Variants in PMP22 observed in about 807,000 individuals in gnomAD.
PMP22 encodes Charcot-Marie-Tooth neuropathy 1A (greatly reduced nerve conduction velocity, hereditary motor sensory neuropathy Ia).
Under a neutral mutation model 18.9 loss-of-function variants are expected in PMP22, and 2 were observed. The observed-to-expected ratio is 0.11, with a 90% CI of 0.04 to 0.33. The LOEUF is 0.33. Among genes scored for constraint, PMP22 ranks in the 10% least tolerant of loss-of-function variants. PMP22 has a pLI of 1.00. For synonymous variants in PMP22, 95 were observed against 89.2 expected, an observed-to-expected ratio of 1.07 and a Z score of -0.37; for missense variants, 169 against 202.2, an observed-to-expected ratio of 0.84 and a Z score of 1.00.
intron 3 of PMP22, among the ~76,000 whole-genome samples, chr17:15,253,208 A>G (rs1166915658): frequency 6.6e-6 from 1 of 152,118 alleles, no homozygotes; most frequent in Non-Finnish European, 1.5e-5. Context: ...GCCTCATTCA[A>G]AGCGACGCCA....
At chr17:15,243,058 A>T (rs1907491458) in intron 3 of PMP22, among the ~76,000 whole-genome samples, 1 of 152,176 alleles carries the variant, frequency 6.6e-6, no homozygotes, top group Non-Finnish European at 1.5e-5. Flanking sequence ...CAATGTATAC[A>T]CTTCTAAGCA....
intron 3 of PMP22, among the ~76,000 whole-genome samples, chr17:15,249,022 T>C (rs947261964): frequency 5.3e-5 from 8 of 152,126 alleles, no homozygotes; most frequent in African/African-American, 1.9e-4. Flanking sequence ...ATAGAAATAA[T>C]AGAGTTCTCC....
chr17:15,258,232 A>C lies in PMP22; in HGVS notation c.178+862T>G, dbSNP rs1909004594. Among the ~76,000 whole-genome samples the C allele has an allele frequency of 6.6e-6, 1 of 152,170 alleles. No homozygotes were observed. The highest frequency in any genetic ancestry group is 1.5e-5 in the Non-Finnish European group (1 of 68,032). Reference sequence around the variant, plus strand: ...CCAGCCTGAGGACACATCTTCTGGAACAAAAGATCATGTGGATCCAGGTCC... The same window carrying C: ...CCAGCCTGAGGACACATCTTCTGGACCAAAAGATCATGTGGATCCAGGTCC... On this transcript the variant is annotated intron_variant, in intron 3 of 4. Transcript: ENST00000312280. The surrounding 1 kb of genome is among the most constrained non-coding windows in gnomAD (Gnocchi z 4.1).
chr17:15,258,417 A>G lies in PMP22; in HGVS notation c.178+677T>C, dbSNP rs1317005005. Reference sequence around the variant, plus strand: ...CTAGTTGGTGCTTCTGCTGCCAATTATCCCTTAATTTGACCCTCATGAAGC... The same window carrying G: ...CTAGTTGGTGCTTCTGCTGCCAATTGTCCCTTAATTTGACCCTCATGAAGC... On this transcript the variant is annotated intron_variant, in intron 3 of 4. Transcript: ENST00000312280. The surrounding 1 kb of genome is among the most constrained non-coding windows in gnomAD (Gnocchi z 4.1). Among the ~76,000 whole-genome samples the G allele has an allele frequency of 2.0e-5, 3 of 152,036 alleles. No homozygotes were observed. The highest frequency in any genetic ancestry group is 2.9e-5 in the Non-Finnish European group (2 of 68,028).
intron 1 of PMP22, 68 bp from the exon 2 acceptor site, chr17:15,260,829 A>AG (rs1332587107): frequency 9.1e-7 from 1 of 1,094,810 alleles, no homozygotes; most frequent in Non-Finnish European, 1.4e-6. Context: ...GCGCAGAGGG[A>AG]GGGTCCCGCG....
chr17:15,259,223 CAGGG>C (rs532973151), intron 2 of PMP22, 30 bp from the exon 3 acceptor site: 72 of 1,550,206 alleles, frequency 4.6e-5, no homozygotes, highest in South Asian at 6.7e-5. Context: ...TATCCTGAGT[CAGGG>C]AGGGAGGGAG....
chr17:15,256,589 C>T (rs546570434), intron 3 of PMP22, among the ~76,000 whole-genome samples: 8 of 152,132 alleles, frequency 5.3e-5, no homozygotes, highest in Non-Finnish European at 1.2e-4. Flanking sequence ...TGTAGTCAGC[C>T]GAGATTGCAC....
intron 3 of PMP22, among the ~76,000 whole-genome samples, chr17:15,246,916 A>G (rs1907866664): frequency 6.6e-6 from 1 of 151,204 alleles, no homozygotes; most frequent in Non-Finnish European, 1.5e-5. Context: ...CTAAAAATAC[A>G]AAAATTAGCT....
At position 15,231,009 on chromosome 17, in the gene PMP22, A is replaced by T; in HGVS notation, c.391T>A (p.Ser131Thr). 1.2e-6 allele frequency: 2 copies of T among 1,614,176 alleles called. No individual in the cohort carries two copies. The highest frequency in any genetic ancestry group is 2.2e-5 in the South Asian group (2 of 91,084). ...HPEWHLNSDYSYGFAYILAWV... is the reference protein window; with the variant it reads ...HPEWHLNSDYTYGFAYILAWV... ...GCCAGGATGTAGGCGAAACCGTAGG[A>T]GTAATCCGAGTTGAGATGCCACTCC... The change falls in exon 5 of 5, where the codon TCC becomes ACC. Residue 131 changes from serine (S) to threonine (T), a missense_variant. Transcript: ENST00000312280.
chr17:15,230,943 A>G lies in PMP22; in HGVS notation c.457T>C (p.Tyr153His). ...FPLALLSGVIYVILRKRE is the reference protein window; with the variant it reads ...FPLALLSGVIHVILRKRE ...CATTCGCGTTTCCGCAAGATCACATAGATGACACCGCTGAGAAGGGCCAGG... is the reference window on the plus strand; with the variant it reads ...CATTCGCGTTTCCGCAAGATCACATGGATGACACCGCTGAGAAGGGCCAGG... Residue 153 changes from tyrosine (Y) to histidine (H), a missense_variant, in exon 5 of 5, where the codon TAT (tyrosine) becomes CAT (histidine). Coordinates refer to ENST00000312280, the MANE Select transcript of PMP22 (RefSeq NM_000304.4). 6.2e-7 allele frequency: 1 copy of G among 1,614,162 alleles called. No homozygotes were observed.
chr17:15,250,631 C>T (rs115969630), intron 3 of PMP22, among the ~76,000 whole-genome samples: 1,606 of 152,266 alleles, frequency 0.011, 31 homozygotes, highest in African/African-American at 0.036. Flanking sequence ...AAGCCCAAAA[C>T]GTAGAGTCAT....
intron 3 of PMP22, among the ~76,000 whole-genome samples, chr17:15,257,733 C>G (rs748826388): frequency 7.2e-5 from 11 of 152,182 alleles, no homozygotes; most frequent in Non-Finnish European, 1.3e-4. Flanking sequence ...TAATTCAATG[C>G]CTTTCACACA....
At chr17:15,235,408 C>A in intron 4 of PMP22, 2 of 694,876 alleles carry the variant, frequency 2.9e-6, no homozygotes. Flanking sequence ...ACGTGCAAAT[C>A]TTCCTTTTAG....
chr17:15,258,252 A>G lies in PMP22; in HGVS notation c.178+842T>C, dbSNP rs1266964955. Among the ~76,000 whole-genome samples the G allele has an allele frequency of 2.0e-5, 3 of 152,154 alleles. No individual in the cohort carries two copies. The highest frequency in any genetic ancestry group is 7.2e-5 in the African/African-American group (3 of 41,434). ...CTGGAACAAAAGATCATGTGGATCC[A>G]GGTCCACGGGCTCTTAACATCAATC... On this transcript the variant is annotated intron_variant, in intron 3 of 4. Transcript: ENST00000312280. This position sits in a 1 kb window ranked among gnomAD's most constrained non-coding sequence, Gnocchi z 4.1.
At chr17:15,259,949 AAAAAAAG>A (rs1228831279) in intron 2 of PMP22, among the ~76,000 whole-genome samples, 6 of 151,950 alleles carry the variant, frequency 3.9e-5, no homozygotes, top group East Asian at 1.9e-4. Context: ...AAAAAAAAAA[AAAAAAAG>A]AAAAGAAAAG....
chr17:15,251,798 T>G (rs1908376961), intron 3 of PMP22: 2 of 152,084 alleles, frequency 1.3e-5, no homozygotes, highest in Admixed American at 1.3e-4. Context: ...TCCCTGCTCC[T>G]GAAATGCAAG....
At chr17:15,245,964 G>A (rs1907769757) in intron 3 of PMP22, among the ~76,000 whole-genome samples, 1 of 150,134 alleles carries the variant, frequency 6.7e-6, no homozygotes, top group African/African-American at 2.5e-5. Context: ...AGTGAGCCGA[G>A]ATCGCGCCAC....
chr17:15,263,583 GCACA>G (rs3028206), intron 1 of PMP22, among the ~76,000 whole-genome samples: 1 of 149,940 alleles, frequency 6.7e-6, no homozygotes, highest in African/African-American at 2.5e-5. Flanking sequence ...GCACGCGCGC[GCACA>G]CACACACACA....
chr17:15,231,123 G>A (rs746887082), intron 4 of PMP22, 43 bp from the exon 5 acceptor site: 2 of 1,603,446 alleles, frequency 1.2e-6, no homozygotes, highest in South Asian at 1.1e-5. Context: ...AGAGTCCATG[G>A]CAGAGCGGCC....
Sources: allele counts gnomAD v4.1 joint callset (sites outside exome capture counted in the v4.1 genomes callset), GRCh38; gene constraint gnomAD v4.1.1; non-coding constraint Gnocchi (gnomAD v3.1); transcripts MANE v1.5; gene names NCBI Gene and HGNC (gene_info 2026-07-23, HGNC 2026-07-21).